Variants in AGAP1 observed in about 807,000 individuals in gnomAD.
AGAP1 encodes ArfGAP with GTPase domain, ankyrin repeat and PH domain 1.
AGAP1 carries 29 observed loss-of-function variants against 105.3 expected under a neutral mutation model. The observed-to-expected ratio is 0.28, with a 90% CI of 0.21 to 0.38. The LOEUF (loss-of-function observed/expected upper bound fraction) is 0.38, where lower values mean the gene tolerates loss of function less well. Among genes scored for constraint, AGAP1 ranks in the 10% least tolerant of loss-of-function variants. The probability of loss-of-function intolerance (pLI) is 1.00; values close to 1 mark genes in which losing one functional copy is unlikely to be tolerated. For synonymous variants in AGAP1, 509 were observed against 485.9 expected, an observed-to-expected ratio of 1.05 and a Z score of -0.63; for missense variants, 998 against 1,165.1, an observed-to-expected ratio of 0.86 and a Z score of 2.09.
At chr2:235,781,970 C>A (rs1194047089) in intron 6 of AGAP1, among the ~76,000 whole-genome samples, 1 of 152,194 alleles carries the variant, frequency 6.6e-6, no homozygotes, top group Admixed American at 6.5e-5. Context: ...ACTTTCTAGA[C>A]CCAGTGACAC....
At chr2:235,670,389 C>T (rs1405382251) in intron 1 of AGAP1, 23 of 561,768 alleles carry the variant, frequency 4.1e-5, no homozygotes, top group East Asian at 2.2e-4. Context: ...ACCTTCCGCA[C>T]CCGCAGCACC....
At chr2:235,833,387 C>T (rs1167357116) in intron 9 of AGAP1, among the ~76,000 whole-genome samples, 1 of 152,178 alleles carries the variant, frequency 6.6e-6, no homozygotes, top group African/African-American at 2.4e-5. Context: ...TGGACAAAAA[C>T]GTAGAAGTCA....
At position 235,754,898 on chromosome 2, in the gene AGAP1, A is replaced by G. The variant is rs539071449; in HGVS notation, c.673+4410A>G. 2.1e-3 allele frequency among the ~76,000 whole-genome samples: 320 copies of G among 152,338 alleles called. 2 individuals carry two copies. The South Asian group carries it at 0.031, about 15-fold the overall frequency. The stretch of plus-strand genomic sequence containing the variant: ...CCTTGTGTCTTGCTCAGGGGTGGAA[A>G]AGAAGTGTGGCAGCCCAGGCTGCTT... On this transcript the variant is annotated intron_variant, in intron 6 of 17. Transcript: ENST00000304032. This position sits in a 1 kb window ranked among gnomAD's most constrained non-coding sequence, Gnocchi z 4.6.
chr2:235,686,841 T>C (rs1361962711), intron 1 of AGAP1, among the ~76,000 whole-genome samples: 2 of 150,154 alleles, frequency 1.3e-5, no homozygotes. Context: ...TTTTTTTTTT[T>C]TTTGTAGAGA....
At chr2:235,575,323 A>G (rs1375862236) in intron 1 of AGAP1, among the ~76,000 whole-genome samples, 1 of 152,274 alleles carries the variant, frequency 6.6e-6, no homozygotes, top group Non-Finnish European at 1.5e-5. Flanking sequence ...AAAAGACACC[A>G]AAGGTGTGAG....
At position 235,535,559 on chromosome 2, in the gene AGAP1, G is replaced by A. The variant is rs1007007222; in HGVS notation, c.163+40710G>A. Among the ~76,000 whole-genome samples, 6 of 151,666 alleles carry A rather than the reference G, an allele frequency of 4.0e-5. No individual in the cohort carries two copies. Among genetic ancestry groups the A allele is most frequent in the East Asian group, 1.9e-4 (1 of 5,132 alleles). On this transcript the variant is annotated intron_variant, in intron 1 of 17. Coordinates refer to ENST00000304032, the MANE Select transcript of AGAP1 (RefSeq NM_001037131.3). This position sits in a 1 kb window ranked among gnomAD's most constrained non-coding sequence, Gnocchi z 5.1. Reference sequence around the variant, plus strand: ...ATCCTCCCCTCTCTCTGTTCTGCGCGGCAGGTAGCAAGGAACGGTGGCGGG... The same window carrying A: ...ATCCTCCCCTCTCTCTGTTCTGCGCAGCAGGTAGCAAGGAACGGTGGCGGG...
rs919538268 is a variant in AGAP1, at chr2:235,801,518, G to A, written c.957+1996G>A. ...ATTGGGCAGTTTCTTCACACACACC[G>A]AGAACAGCAGCAGTCACCTAAATAG... On this transcript the variant is annotated intron_variant, in intron 8 of 17. Coordinates refer to ENST00000304032, the MANE Select transcript of AGAP1 (RefSeq NM_001037131.3). The surrounding 1 kb of genome is among the most constrained non-coding windows in gnomAD (Gnocchi z 6.0). Among the ~76,000 whole-genome samples the A allele has an allele frequency of 2.0e-5, 3 of 152,082 alleles. No individual in the cohort carries two copies. Among genetic ancestry groups the A allele is most frequent in the African/African-American group, 7.2e-5 (3 of 41,398 alleles).
chr2:236,072,125 GTTTTTTT>G (rs11342740), intron 16 of AGAP1, among the ~76,000 whole-genome samples: 3 of 111,962 alleles, frequency 2.7e-5, no homozygotes, highest in African/African-American at 6.3e-5. Context: ...TTCGTTGTGG[GTTTTTTT>G]TTTTTTTTTT....
At chr2:235,643,447 A>G (rs1947267574) in intron 1 of AGAP1, among the ~76,000 whole-genome samples, 1 of 150,668 alleles carries the variant, frequency 6.6e-6, no homozygotes, top group Admixed American at 6.6e-5. Flanking sequence ...AAAAAAAAAA[A>G]AAAAAAAAAA....
At chr2:235,920,761 GACAA>G (rs1338347117) in intron 11 of AGAP1, among the ~76,000 whole-genome samples, 18 of 152,304 alleles carry the variant, frequency 1.2e-4, no homozygotes, top group African/African-American at 2.6e-4. Context: ...AGATTTTAAA[GACAA>G]ACAAGATTAG....
At chr2:235,545,601 C>T (rs983641123) in intron 1 of AGAP1, among the ~76,000 whole-genome samples, 1 of 152,168 alleles carries the variant, frequency 6.6e-6, no homozygotes. Context: ...GGCCCGTGGG[C>T]GTCACTGCCC....
rs544838696 is a variant in AGAP1 at position 235,793,093 on chromosome 2, G to A, written c.674-4666G>A. On this transcript the variant is annotated intron_variant, in intron 6 of 17. Coordinates refer to ENST00000304032, the MANE Select transcript of AGAP1 (RefSeq NM_001037131.3). The surrounding 1 kb of genome is among the most constrained non-coding windows in gnomAD (Gnocchi z 5.3). ...AGGAGGATGCAGAAGAGGAAAGGAG[G>A]GAATGACGAGGAACGCCACATGCTG... 3.8e-4 allele frequency among the ~76,000 whole-genome samples: 58 copies of A among 152,224 alleles called. No individual in the cohort carries two copies. The highest frequency in any genetic ancestry group is 1.2e-3 in the African/African-American group (51 of 41,550).
intron 16 of AGAP1, among the ~76,000 whole-genome samples, chr2:236,107,047 C>T (rs1267698297): frequency 1.3e-5 from 2 of 152,224 alleles, no homozygotes; most frequent in African/African-American, 4.8e-5. Flanking sequence ...CTCTTGCTGG[C>T]AGGCAGCTCT....
rs185762108 is a variant in AGAP1 at position 236,101,634 on chromosome 2, A to C, written c.2115-18558A>C. ...TTTACGGGATCCGGAGCGGAGGAAA[A>C]GGGCCATTTCTCTTCCCTTATCTGT... On this transcript the variant is annotated intron_variant, in intron 16 of 17. Coordinates refer to ENST00000304032, the MANE Select transcript of AGAP1 (RefSeq NM_001037131.3). This position sits in a 1 kb window ranked among gnomAD's most constrained non-coding sequence, Gnocchi z 4.9. Among the ~76,000 whole-genome samples, 30 of 152,260 alleles carry C rather than the reference A, an allele frequency of 2.0e-4. 1 individual carries two copies. The East Asian group carries it at 5.4e-3, about 28-fold the overall frequency.
At chr2:235,606,545 T>C (rs1945944625) in intron 1 of AGAP1, among the ~76,000 whole-genome samples, 1 of 152,226 alleles carries the variant, frequency 6.6e-6, no homozygotes, top group African/African-American at 2.4e-5. Flanking sequence ...GAATGAATCT[T>C]GCATGTCACC....
At chr2:235,644,614 G>A (rs1947311610) in intron 1 of AGAP1, among the ~76,000 whole-genome samples, 1 of 152,160 alleles carries the variant, frequency 6.6e-6, no homozygotes, top group Non-Finnish European at 1.5e-5. Flanking sequence ...GCTAGCATGA[G>A]GAAAAGCCAA....
intron 1 of AGAP1, among the ~76,000 whole-genome samples, chr2:235,519,269 G>A (rs1175742818): frequency 2.0e-5 from 3 of 151,984 alleles, no homozygotes; most frequent in African/African-American, 7.3e-5. Context: ...AGACAGGCAG[G>A]GTCTTGCTGT....
intron 1 of AGAP1, among the ~76,000 whole-genome samples, chr2:235,590,692 CGTGT>C (rs1183327731): frequency 1.9e-4 from 14 of 72,590 alleles, no homozygotes; most frequent in East Asian, 1.0e-3. Context: ...TGTGCGTGTG[CGTGT>C]GTGTGTGTGT....
chr2:235,704,833 C>T (rs1210266124), intron 1 of AGAP1, among the ~76,000 whole-genome samples: 2 of 152,114 alleles, frequency 1.3e-5, no homozygotes, highest in Non-Finnish European at 1.5e-5. Context: ...CCAAGTGTCC[C>T]GCTGTGTCCA....
Sources: gnomAD v4.1 joint callset for allele counts (sites outside exome capture counted in the v4.1 genomes callset) on GRCh38, gnomAD v4.1.1 for gene constraint, Gnocchi (gnomAD v3.1) non-coding constraint, MANE v1.5 for transcripts, NCBI Gene and HGNC (gene_info 2026-07-23, HGNC 2026-07-21) for gene names.